The following LARS1 variants were observed in gnomAD, a reference collection of about 807,000 sequenced individuals.
LARS1 encodes leucyl-tRNA synthetase 1, also known as leucine--tRNA ligase, cytoplasmic.
A neutral mutation model predicts 162.8 loss-of-function variants in LARS1; 100 were observed. That is an observed-to-expected ratio of 0.61 (90% CI 0.52 to 0.73). The LOEUF (loss-of-function observed/expected upper bound fraction) is 0.73. Ranked by LOEUF, LARS1 falls within the 30% of genes least tolerant of loss-of-function variation. The pLI is 0.00. For missense variants in LARS1, 1,258 were observed against 1,408.9 expected, an observed-to-expected ratio of 0.89 and a Z score of 1.71; for synonymous variants, 457 against 462.8, an observed-to-expected ratio of 0.99 and a Z score of 0.16.
At position 146,168,230 on chromosome 5, in the gene LARS1, C is replaced by T; in HGVS notation, c.330G>A (p.Leu110=). ...CADKLKREIE[L]YGCPPDFPDE... is the part of the protein sequence containing the mutation. ...CTGGAAAATCAGGGGGGCAACCATACAGCTCTATTTCTCTTTTCAACTTAT... is the reference window on the plus strand; with the variant it reads ...CTGGAAAATCAGGGGGGCAACCATATAGCTCTATTTCTCTTTTCAACTTAT... The change falls in exon 5 of 32, where the codon CTG becomes CTA. Residue 110 remains leucine, a synonymous_variant. Transcript: ENST00000394434. 1 of 1,613,618 alleles carries T rather than the reference C, an allele frequency of 6.2e-7. No individual in the cohort carries two copies. The highest frequency in any genetic ancestry group is 1.1e-5 in the South Asian group (1 of 90,996).
intron 4 of LARS1, among the ~76,000 whole-genome samples, chr5:146,168,867 G>A (rs2126572165): frequency 6.6e-6 from 1 of 151,778 alleles, no homozygotes; most frequent in South Asian, 2.1e-4. Flanking sequence ...GAAACATAAT[G>A]TGTTATCATT....
Position 146,120,462 on chromosome 5 carries a change from A to G in LARS1, c.3234T>C (p.Asn1078=). The G allele has an allele frequency of 6.2e-7, 1 of 1,613,268 alleles. No homozygotes were observed. Among genetic ancestry groups the G allele is most frequent in the Non-Finnish European group, 8.5e-7 (1 of 1,179,410 alleles). ...TTTCAATTTTGGTTGAGAAGTGGCC[A>G]TTGGATGGCTGGGGATTCACCAGAG... ...SVSLVNPQPS[N]GHFSTKIEIR... The change falls in exon 31 of 32, where the codon AAT becomes AAC. Residue 1078 remains asparagine (N), a synonymous_variant. Coordinates refer to ENST00000394434, the MANE Select transcript of LARS1 (RefSeq NM_020117.11).
intron 30 of LARS1, 97 bp from the exon 31 acceptor site, chr5:146,120,600 A>C: frequency 8.4e-7 from 1 of 1,190,868 alleles, no homozygotes; most frequent in Non-Finnish European, 1.2e-6. Context: ...AGACAGATCT[A>C]ATTCTGGTAT....
intron 4 of LARS1, among the ~76,000 whole-genome samples, chr5:146,169,254 TAC>T (rs1429814632): frequency 2.6e-5 from 4 of 152,154 alleles, no homozygotes; most frequent in African/African-American, 9.7e-5. Flanking sequence ...CTAGCAAAGT[TAC>T]AGACTTAACC....
At position 146,151,964 on chromosome 5, in the gene LARS1, A is replaced by C; in HGVS notation, c.1323T>G (p.Ser441=). 5 of 1,614,174 alleles carry C rather than the reference A, an allele frequency of 3.1e-6. No individual in the cohort carries two copies. The highest frequency in any genetic ancestry group is 4.2e-6 in the Non-Finnish European group (5 of 1,180,046). ...TCAACTCATCACAAATGGTTACAGC[A>C]GAAAGATTTCCAAAACCTGGGATTT... is the stretch of plus-strand genomic sequence containing the variant. ...VIEIPGFGNL[S]AVTICDELKI... is the part of the protein sequence containing the mutation. Residue 441 remains serine (S), a synonymous_variant, in exon 14 of 32, where the codon TCT becomes TCG. Coordinates refer to ENST00000394434, the MANE Select transcript of LARS1 (RefSeq NM_020117.11).
At chr5:146,152,599 G>C (rs956887272) in intron 13 of LARS1, among the ~76,000 whole-genome samples, 8 of 152,170 alleles carry the variant, frequency 5.3e-5, no homozygotes. Flanking sequence ...ACCACACCCT[G>C]CTGGTCCATG....
At chr5:146,143,110 T>G (rs764538640) in intron 19 of LARS1, 26 bp from the exon 20 acceptor site, 2 of 1,236,760 alleles carry the variant, frequency 1.6e-6, no homozygotes, top group South Asian at 1.6e-5. Context: ...AACAAACTAT[T>G]TTATATATAT....
intron 31 of LARS1, among the ~76,000 whole-genome samples, chr5:146,115,045 GGAA>G (rs1764141050): frequency 1.1e-5 from 1 of 91,058 alleles, no homozygotes; most frequent in African/African-American, 4.0e-5. Flanking sequence ...TCTGTCGGGG[GGAA>G]AAAAAAAAAA....
chr5:146,175,774 G>A (rs1204132902), intron 2 of LARS1, among the ~76,000 whole-genome samples: 2 of 151,444 alleles, frequency 1.3e-5, no homozygotes, highest in East Asian at 3.9e-4. Context: ...CTTGCAGTGA[G>A]CCGAGATTGC....
At position 146,128,767 on chromosome 5, in the gene LARS1, G is replaced by C; in HGVS notation, c.2785C>G (p.Pro929Ala). The change falls in exon 27 of 32, where the codon CCC (proline) becomes GCC (alanine). Residue 929 changes from proline (P) to alanine (A), a missense_variant. Coordinates refer to ENST00000394434, the MANE Select transcript of LARS1 (RefSeq NM_020117.11). ...PAKGKKTDKQ[P>A]LQKPSHCTIY... ...GTGCAATGTGAGGGCTTCTGCAGGG[G>C]TTGTTTGTCAGTCTTCTAGACGGTA... 2 of 1,602,202 alleles carry C rather than the reference G, an allele frequency of 1.2e-6. No homozygotes were observed. The highest frequency in any genetic ancestry group is 1.7e-6 in the Non-Finnish European group (2 of 1,176,846).
At chr5:146,164,499 G>T (rs577125293) in intron 5 of LARS1, 28 bp from the exon 6 acceptor site, 33 of 1,606,506 alleles carry the variant, frequency 2.1e-5, no homozygotes, top group Non-Finnish European at 2.7e-5. Context: ...AAATAAACTC[G>T]ATCAAAGAAT....
At chr5:146,163,084 C>T (rs1753849414) in intron 6 of LARS1, among the ~76,000 whole-genome samples, 1 of 152,284 alleles carries the variant, frequency 6.6e-6, no homozygotes, top group African/African-American at 2.4e-5. Context: ...GCTGGGATTG[C>T]AGGCATGAGC....
At chr5:146,182,153 G>A in intron 1 of LARS1, 2 of 300,364 alleles carry the variant, frequency 6.7e-6, no homozygotes, top group Middle Eastern at 2.3e-3. Context: ...GTTGGCCAGG[G>A]TGGTCTCGAA....
chr5:146,148,778 G>A (rs1190997876), intron 15 of LARS1, among the ~76,000 whole-genome samples: 1 of 152,036 alleles, frequency 6.6e-6, no homozygotes, highest in Non-Finnish European at 1.5e-5. Context: ...TCAGAGATCT[G>A]TTAGAGATGG....
chr5:146,149,774 C>T, intron 14 of LARS1, 75 bp from the exon 15 acceptor site: 2 of 1,091,472 alleles, frequency 1.8e-6, no homozygotes, highest in Non-Finnish European at 2.8e-6. Flanking sequence ...CCTAATTTTC[C>T]CTAACTAAAT....
chr5:146,116,996 G>C (rs907146511), intron 31 of LARS1, among the ~76,000 whole-genome samples: 1 of 152,132 alleles, frequency 6.6e-6, no homozygotes, highest in African/African-American at 2.4e-5. Flanking sequence ...ATCAAGGTTA[G>C]ATCTCTTCTG....
At position 146,113,981 on chromosome 5, in the gene LARS1, T is replaced by C. The variant is rs1363267481; in HGVS notation, c.*125A>G. ...GATAGAATTATGAATACATGCAGAA[T>C]TGGATGGTTAGAAATGAAATCAATC... On this transcript the variant is annotated 3_prime_UTR_variant, in exon 32 of 32. Transcript: ENST00000394434. The C allele has an allele frequency of 6.7e-6, 5 of 744,086 alleles. No individual in the cohort carries two copies. The highest frequency in any genetic ancestry group is 1.6e-5 in the South Asian group (1 of 61,304). The allele number at this position is 744,086 out of a possible 1,614,324, so 46.1% of individuals were successfully genotyped here. A position where few individuals can be genotyped will look rare whatever the true frequency, so the allele number is the denominator to read the frequency against.
At chr5:146,128,614 A>G in intron 27 of LARS1, 58 bp downstream of exon 27, 1 of 1,167,498 alleles carries the variant, frequency 8.6e-7, no homozygotes, top group Non-Finnish European at 1.2e-6. Flanking sequence ...CTAAAAACAA[A>G]AACAACATAG....
At position 146,149,634 on chromosome 5, in the gene LARS1, C is replaced by A; in HGVS notation, c.1491G>T (p.Lys497Asn). 1.9e-6 allele frequency: 3 copies of A among 1,611,688 alleles called. No homozygotes were observed. The highest frequency in any genetic ancestry group is 2.5e-6 in the Non-Finnish European group (3 of 1,177,952). Residue 497 changes from lysine to asparagine, a missense_variant, in exon 15 of 32, where the codon AAG (lysine) becomes AAT (asparagine). Coordinates refer to ENST00000394434, the MANE Select transcript of LARS1 (RefSeq NM_020117.11). ...VQDVKKTIQK[K>N]MIDAGDALIY... ...GCCTATCACATACAGCGTCAATCAT[C>A]TTTTTCTGAATAGTCTTCTTTACAT...
Sources: gnomAD v4.1 joint callset for allele counts (sites outside exome capture counted in the v4.1 genomes callset) on GRCh38, gnomAD v4.1.1 for gene constraint, MANE v1.5 for transcripts, NCBI Gene and HGNC (gene_info 2026-07-23, HGNC 2026-07-21) for gene names.